IGSF11: variants seen among roughly 807,000 people sequenced by gnomAD.
The protein encoded by IGSF11 is CXADR like 1.
IGSF11 carries 22 observed loss-of-function variants against 41.0 expected under a neutral mutation model. The ratio of observed to expected loss-of-function variants is 0.54; its 90% CI spans 0.38 to 0.77. IGSF11 has a LOEUF of 0.77. IGSF11 is among the 30% of genes least tolerant of loss of function. The pLI, the probability that IGSF11 is intolerant of heterozygous loss-of-function variation, is 0.00. For synonymous variants in IGSF11, 219 were observed against 201.3 expected, an observed-to-expected ratio of 1.09 and a Z score of -0.74; for missense variants, 444 against 530.8, an observed-to-expected ratio of 0.84 and a Z score of 1.61.
intron 1 of IGSF11, among the ~76,000 whole-genome samples, chr3:119,007,668 C>A (rs1447581666): frequency 6.6e-6 from 1 of 152,222 alleles, no homozygotes; most frequent in South Asian, 2.1e-4. Context: ...GGGTAAGCCC[C>A]ATCCTTGCTT....
intron 1 of IGSF11, among the ~76,000 whole-genome samples, chr3:118,950,167 ACTCTATACTTTCT>A (rs1226761907): frequency 6.6e-6 from 1 of 152,032 alleles, no homozygotes; most frequent in Non-Finnish European, 1.5e-5. Flanking sequence ...ATACACACTC[ACTCTATACTTTCT>A]CTGTTTAAGG....
At position 119,052,177 on chromosome 3, in the gene IGSF11, T is replaced by C. The variant is rs963144212; in HGVS notation, c.49+52967A>G. On this transcript the variant is annotated intron_variant, in intron 1 of 6. Transcript: ENST00000354673. ...AACAAAAAAATGTACAAAAGATAAA[T>C]GAAACAAAAAGATGGTTCTTGGCTG... Among the ~76,000 whole-genome samples, 12 of 151,984 alleles carry C rather than the reference T, an allele frequency of 7.9e-5. 1 individual carries two copies. The highest frequency in any genetic ancestry group is 2.7e-4 in the African/African-American group (11 of 41,472).
At chr3:119,075,924 T>A (rs2107473532) in intron 1 of IGSF11, among the ~76,000 whole-genome samples, 1 of 152,272 alleles carries the variant, frequency 6.6e-6, no homozygotes, top group African/African-American at 2.4e-5. Flanking sequence ...AAAGTTCATA[T>A]GGAACCTAAA....
intron 1 of IGSF11, among the ~76,000 whole-genome samples, chr3:119,006,098 C>A (rs1937474294): frequency 8.6e-6 from 1 of 115,698 alleles, no homozygotes; most frequent in Non-Finnish European, 1.7e-5. Flanking sequence ...CTTTCAGGTA[C>A]ACCAATCAGA....
chr3:119,133,967 A>G (rs2077520149), intron 1 of IGSF11, among the ~76,000 whole-genome samples: 1 of 152,200 alleles, frequency 6.6e-6, no homozygotes, highest in African/African-American at 2.4e-5. Context: ...CCAAAACCAC[A>G]TGATTATCTC....
At position 118,901,726 on chromosome 3, in the gene IGSF11, T is replaced by C. The variant is rs1475969969; in HGVS notation, c.*794A>G. On this transcript the variant is annotated 3_prime_UTR_variant, in exon 7 of 7. Coordinates refer to ENST00000393775, the MANE Select transcript of IGSF11 (RefSeq NM_001015887.3). ...TATTATACAACAGTCTTTTCTTTCT[T>C]AGCCCAATGCCTCTCATGTATTTAA... 6.6e-6 allele frequency: 1 copy of C among 150,932 alleles called. No individual in the cohort carries two copies. The highest frequency in any genetic ancestry group is 1.9e-4 in the East Asian group (1 of 5,150). 9.3% of individuals were successfully genotyped at this position (150,932 alleles called of 1,614,324 possible).
intron 1 of IGSF11, among the ~76,000 whole-genome samples, chr3:119,101,370 G>A (rs768051728): frequency 3.0e-4 from 46 of 152,018 alleles, no homozygotes; most frequent in Non-Finnish European, 5.9e-4. Context: ...TTAGCCAAGC[G>A]TGGTGGCGCA....
At chr3:119,033,172 G>C (rs1297110239) in intron 1 of IGSF11, among the ~76,000 whole-genome samples, 2 of 152,156 alleles carry the variant, frequency 1.3e-5, no homozygotes, top group Non-Finnish European at 2.9e-5. Flanking sequence ...AAAAAGAGGA[G>C]CATTTATTAT....
chr3:119,045,449 C>T lies in IGSF11; in HGVS notation c.49+59695G>A, dbSNP rs763985237. Among the ~76,000 whole-genome samples the T allele has an allele frequency of 4.5e-4, 68 of 152,324 alleles. 2 individuals carry two copies. The highest frequency in any genetic ancestry group is 1.7e-3 in the South Asian group (8 of 4,820). ...GCGCTTTTGCGACGGGCTTAAAAAA[C>T]GGCGCACCATGAGATTATATCCCGC... On this transcript the variant is annotated intron_variant, in intron 1 of 6. Coordinates refer to the IGSF11 transcript ENST00000354673.
chr3:118,990,722 C>A (rs867507263), intron 1 of IGSF11, among the ~76,000 whole-genome samples: 21 of 152,126 alleles, frequency 1.4e-4, no homozygotes, highest in African/African-American at 5.1e-4. Flanking sequence ...CTGTTTCTAA[C>A]CCCTGGGCAA....
At chr3:118,985,306 G>C (rs866773892) in intron 1 of IGSF11, among the ~76,000 whole-genome samples, 1 of 152,184 alleles carries the variant, frequency 6.6e-6, no homozygotes, top group South Asian at 2.1e-4. Flanking sequence ...ACTGAGGTAG[G>C]AGGGAAGGGG....
Position 119,117,991 on chromosome 3 carries a change from C to A in IGSF11, c.-13-12786G>T, listed in dbSNP as rs573501060. Among the ~76,000 whole-genome samples the A allele has an allele frequency of 2.6e-5, 4 of 152,358 alleles. No individual in the cohort carries two copies. The East Asian group carries it at 5.8e-4, about 22-fold the overall frequency. ...AAAGGTGGGTTCCCATGGTCTTGGACAGCTCTGCCCTTGTGGCTTTCCAGG... is the reference window on the plus strand; with the variant it reads ...AAAGGTGGGTTCCCATGGTCTTGGAAAGCTCTGCCCTTGTGGCTTTCCAGG... On this transcript the variant is annotated intron_variant, in intron 1 of 7. Transcript: ENST00000425327.
chr3:118,975,363 T>TTAAAAAAAAAAAAA lies in IGSF11; in HGVS notation c.53-45089_53-45088insTTTTTTTTTTTTTA, dbSNP rs765744961. 5.3e-4 allele frequency among the ~76,000 whole-genome samples: 75 copies of TTAAAAAAAAAAAAA among 140,706 alleles called. 1 individual carries two copies. Among genetic ancestry groups the TTAAAAAAAAAAAAA allele is most frequent in the Middle Eastern group, 3.7e-3 (1 of 272 alleles). The allele number at this position is 140,706 out of a possible 152,430, so 92.3% of individuals were successfully genotyped here. On this transcript the variant is annotated intron_variant, in intron 1 of 6. Coordinates refer to ENST00000393775, the MANE Select transcript of IGSF11 (RefSeq NM_001015887.3). ...AATAAATTTGTAGCCCTGCTGGATT[T>TTAAAAAAAAAAAAA]AAAAAAAAAAAAAAAAGATGTGCTC... is the stretch of plus-strand genomic sequence containing the variant.
At chr3:119,034,416 T>C (rs1422627043) in intron 1 of IGSF11, 115 bp downstream of exon 1, 3 of 1,049,746 alleles carry the variant, frequency 2.9e-6, no homozygotes, top group African/African-American at 3.4e-5. Flanking sequence ...CTGAGAAAGT[T>C]GGACTCCCGA....
intron 1 of IGSF11, among the ~76,000 whole-genome samples, chr3:119,001,474 T>C (rs1238360716): frequency 6.7e-6 from 1 of 150,374 alleles, no homozygotes; most frequent in African/African-American, 2.4e-5. Flanking sequence ...TTTCTTTTTT[T>C]TTTTTTTTTA....
chr3:119,104,750 C>T (rs1447274155), intron 1 of IGSF11, among the ~76,000 whole-genome samples: 2 of 152,112 alleles, frequency 1.3e-5, no homozygotes, highest in Admixed American at 6.5e-5. Context: ...ATATTTATGT[C>T]ACTTCTCCTT....
rs914500293 is a variant in IGSF11, at chr3:119,065,958, T to C, written c.49+39186A>G. ...TCATCAGGGGAGGGCTGTTTTTTAA[T>C]GGACAACCTTTTAAATAAACATAAA... On this transcript the variant is annotated intron_variant, in intron 1 of 6. Coordinates refer to the IGSF11 transcript ENST00000354673. Among the ~76,000 whole-genome samples, 6 of 152,202 alleles carry C rather than the reference T, an allele frequency of 3.9e-5. No homozygotes were observed. In the East Asian group the frequency reaches 1.2e-3, roughly 29 times the overall value.
chr3:118,926,130 G>T lies in IGSF11; in HGVS notation c.551C>A (p.Thr184Asn). 2 of 1,610,806 alleles carry T rather than the reference G, an allele frequency of 1.2e-6. No individual in the cohort carries two copies. The highest frequency in any genetic ancestry group is 1.7e-6 in the Non-Finnish European group (2 of 1,177,940). Residue 184 changes from threonine to asparagine, a missense_variant, in exon 4 of 7, where the codon ACC (threonine) becomes AAC (asparagine). Physicochemically the swap from Thr to Asn is moderately conservative, Grantham distance 65. Around this residue, in one of 3 missense-constraint regions of IGSF11, gnomAD observed 193 missense variants for 283.5 expected, o/e 0.68. Transcript: ENST00000393775. ...PTYLWEKLDNTLKLPPTATQD... is the reference protein window; with the variant it reads ...PTYLWEKLDNNLKLPPTATQD... ...AGTAGCTGTTGGAGGTAGTTTGAGG[G>T]TATTGTCTAACTTCTCCCAAAGGTA...
At chr3:119,138,516 C>G (rs2077594812) in intron 1 of IGSF11, among the ~76,000 whole-genome samples, 1 of 152,292 alleles carries the variant, frequency 6.6e-6, no homozygotes, top group South Asian at 2.1e-4. Flanking sequence ...GAAATCCCAT[C>G]TCTACTAAAA....
Sources: gnomAD v4.1 joint callset for allele counts (sites outside exome capture counted in the v4.1 genomes callset) on GRCh38, gnomAD v4.1.1 for gene constraint, gnomAD v4.1.1 regional missense constraint, MANE v1.5 for transcripts, NCBI Gene and HGNC (gene_info 2026-07-23, HGNC 2026-07-21) for gene names.